CUL5: variants seen among roughly 807,000 people sequenced by gnomAD.
CUL5 encodes the protein cullin 5.
Under a neutral mutation model 108.8 loss-of-function variants are expected in CUL5, and 26 were observed. That is an observed-to-expected ratio of 0.24 (90% CI 0.18 to 0.33). The LOEUF (loss-of-function observed/expected upper bound fraction) is 0.33. Ranked by LOEUF, CUL5 falls within the 10% of genes least tolerant of loss-of-function variation. The probability of loss-of-function intolerance (pLI) is 1.00; values close to 1 mark genes in which losing one functional copy is unlikely to be tolerated. For synonymous variants in CUL5, 334 were observed against 298.0 expected (o/e 1.12, Z -1.25); for missense variants, 524 against 909.2 (o/e 0.58, Z 5.45).
chr11:108,070,155 G>A lies in CUL5; in HGVS notation c.840G>A (p.Glu280=), dbSNP rs1208783441. 7 of 1,612,364 alleles carry A rather than the reference G, an allele frequency of 4.3e-6. No individual in the cohort carries two copies. The highest frequency in any genetic ancestry group is 2.2e-5 in the East Asian group (1 of 44,754). ...VTSFKETILA[E]CQGMIKRNET... is the part of the protein sequence containing the mutation. Reference sequence around the variant, plus strand: ...CATTTAAAGAGACTATCTTAGCTGAGTGCCAAGGCATGATCAAGAGAAATG... The same window carrying A: ...CATTTAAAGAGACTATCTTAGCTGAATGCCAAGGCATGATCAAGAGAAATG... The change falls in exon 8 of 19, where the codon GAG becomes GAA. Residue 280 remains glutamate, a synonymous_variant. Transcript: ENST00000393094.
chr11:108,046,665 A>G (rs186988790), intron 3 of CUL5, among the ~76,000 whole-genome samples: 7 of 152,182 alleles, frequency 4.6e-5, no homozygotes, highest in Non-Finnish European at 5.9e-5. Flanking sequence ...GCTACACATC[A>G]GTCCACACAG....
chr11:108,024,671 T>G (rs1174111964), intron 1 of CUL5, among the ~76,000 whole-genome samples: 2 of 152,140 alleles, frequency 1.3e-5, no homozygotes, highest in African/African-American at 4.8e-5. Flanking sequence ...ATTCAAACCA[T>G]TCGTGGAAAT....
chr11:108,014,146 G>A (rs1862124296), intron 1 of CUL5, among the ~76,000 whole-genome samples: 1 of 152,206 alleles, frequency 6.6e-6, no homozygotes, highest in Non-Finnish European at 1.5e-5. Flanking sequence ...GATGATCAGT[G>A]AAAATTTTAT....
Position 108,033,883 on chromosome 11 carries a change from A to G in CUL5, c.106A>G (p.Thr36Ala). 1.2e-6 allele frequency: 2 copies of G among 1,612,970 alleles called. No individual in the cohort carries two copies. Among genetic ancestry groups the G allele is most frequent in the Non-Finnish European group, 1.7e-6 (2 of 1,179,236 alleles). The change falls in exon 2 of 19, where the codon ACA (threonine) becomes GCA (alanine). Residue 36 changes from threonine to alanine, a missense_variant. By Grantham distance (58) the Thr-to-Ala change is moderately conservative (BLOSUM62 0). Transcript: ENST00000393094. ...VLKLLRQESV[T>A]KQQWFDLFSD... ...GAAGCTTTTACGCCAGGAATCTGTT[A>G]CAAAACAGCAGTGGTTTGATCTGTT...
At chr11:108,090,985 G>C (rs1864339979) in intron 13 of CUL5, among the ~76,000 whole-genome samples, 1 of 152,056 alleles carries the variant, frequency 6.6e-6, no homozygotes, top group South Asian at 2.1e-4. Context: ...GGAAAAAGGG[G>C]AAAATAGCAA....
At chr11:108,049,831 G>T (rs1206138432) in intron 3 of CUL5, 59 bp from the exon 4 acceptor site, 7 of 1,369,438 alleles carry the variant, frequency 5.1e-6, no homozygotes, top group Non-Finnish European at 7.1e-6. Flanking sequence ...GCATGAATAT[G>T]TTCTTAATTT....
intron 4 of CUL5, among the ~76,000 whole-genome samples, chr11:108,052,366 G>A (rs1021340041): frequency 3.3e-5 from 5 of 152,114 alleles, no homozygotes; most frequent in African/African-American, 9.7e-5. Context: ...CCAGGCTGGA[G>A]GGCAGTGGCG....
chr11:108,014,228 T>G (rs1479279225), intron 1 of CUL5, among the ~76,000 whole-genome samples: 2 of 152,204 alleles, frequency 1.3e-5, no homozygotes. Flanking sequence ...AAGCTTTTTG[T>G]ATTGGTAATT....
chr11:108,045,553 C>G (rs1443893088), intron 2 of CUL5, among the ~76,000 whole-genome samples: 2 of 152,142 alleles, frequency 1.3e-5, no homozygotes, highest in African/African-American at 4.8e-5. Context: ...GCACTGCACT[C>G]CAGCCTGGGT....
intron 2 of CUL5, among the ~76,000 whole-genome samples, chr11:108,041,867 T>A (rs1373117254): frequency 6.6e-6 from 1 of 152,120 alleles, no homozygotes; most frequent in Non-Finnish European, 1.5e-5. Context: ...GCTGGGATTA[T>A]AGGCGTGAAC....
At chr11:108,017,703 A>G (rs1022670276) in intron 1 of CUL5, among the ~76,000 whole-genome samples, 1 of 152,154 alleles carries the variant, frequency 6.6e-6, no homozygotes, top group Non-Finnish European at 1.5e-5. Flanking sequence ...TTTAATAATT[A>G]TCCAGGCATG....
At chr11:108,082,113 A>T (rs1187237771) in intron 11 of CUL5, among the ~76,000 whole-genome samples, 1 of 152,082 alleles carries the variant, frequency 6.6e-6, no homozygotes, top group Non-Finnish European at 1.5e-5. Flanking sequence ...GCAGTGTTTT[A>T]CAGCTTTCAG....
At chr11:108,032,189 T>G (rs1411257451) in intron 1 of CUL5, among the ~76,000 whole-genome samples, 2 of 152,190 alleles carry the variant, frequency 1.3e-5, no homozygotes, top group South Asian at 2.1e-4. Context: ...AAATCGTGAC[T>G]TTTGTTGAAA....
Position 108,098,493 on chromosome 11 carries a change from T to C in CUL5, c.2112T>C (p.Asn704=). ...CAGAAAGGATGAGAGAAGAAGAGAA[T>C]GAAGGAATAGTTCAACTACGAATAC... The part of the protein sequence containing the change: ...LTTERMREEE[N]EGIVQLRILR... The change falls in exon 18 of 19, where the codon AAT becomes AAC. Residue 704 remains asparagine, a synonymous_variant. Transcript: ENST00000393094. 6.3e-7 allele frequency: 1 copy of C among 1,593,434 alleles called. No homozygotes were observed. The highest frequency in any genetic ancestry group is 8.5e-7 in the Non-Finnish European group (1 of 1,170,302).
At chr11:108,052,287 T>C (rs1863247071) in intron 4 of CUL5, among the ~76,000 whole-genome samples, 1 of 152,168 alleles carries the variant, frequency 6.6e-6, no homozygotes, top group Admixed American at 6.6e-5. Flanking sequence ...ATGCTAAATA[T>C]ACTGCTTCCC....
At chr11:108,057,375 A>G (rs148393553) in intron 7 of CUL5, among the ~76,000 whole-genome samples, 28 of 152,292 alleles carry the variant, frequency 1.8e-4, no homozygotes, top group African/African-American at 6.5e-4. Flanking sequence ...CATAGTTTCA[A>G]AGTATCGTCC....
At chr11:108,044,411 A>G (rs1158293250) in intron 2 of CUL5, among the ~76,000 whole-genome samples, 1 of 152,000 alleles carries the variant, frequency 6.6e-6, no homozygotes, top group East Asian at 1.9e-4. Flanking sequence ...GCTAGTCGGG[A>G]GGCTGAGGCA....
chr11:108,081,202 C>T (rs545139016), intron 11 of CUL5, among the ~76,000 whole-genome samples: 1 of 151,142 alleles, frequency 6.6e-6, no homozygotes, highest in African/African-American at 2.4e-5. Context: ...ACAGGAGAAT[C>T]GTCAGAATCT....
At chr11:108,097,412 C>T (rs1864528954) in intron 16 of CUL5, among the ~76,000 whole-genome samples, 2 of 152,172 alleles carry the variant, frequency 1.3e-5, no homozygotes, top group Admixed American at 1.3e-4. Context: ...ATCCCAGTTT[C>T]TTGTCTTACT....
Sources: gnomAD v4.1 joint callset for allele counts (sites outside exome capture counted in the v4.1 genomes callset) on GRCh38, gnomAD v4.1.1 for gene constraint, MANE v1.5 for transcripts, NCBI Gene and HGNC (gene_info 2026-07-23, HGNC 2026-07-21) for gene names.